Variants in CRPPA observed in about 807,000 individuals in gnomAD.
CRPPA encodes the protein D-ribitol-5-phosphate cytidylyltransferase.
A neutral mutation model predicts 52.0 loss-of-function variants in CRPPA; 43 were observed. The observed-to-expected ratio is 0.83, with a 90% CI of 0.65 to 1.07. The LOEUF is 1.07. Among genes scored for constraint, CRPPA ranks in the 50% least tolerant of loss-of-function variants. CRPPA has a pLI of 0.00. For missense variants in CRPPA, 629 were observed against 551.7 expected, an observed-to-expected ratio of 1.14 and a Z score of -1.40; for synonymous variants, 250 against 203.5, an observed-to-expected ratio of 1.23 and a Z score of -1.94.
intron 8 of CRPPA, among the ~76,000 whole-genome samples, chr7:16,224,575 G>T (rs1782601075): frequency 6.6e-6 from 1 of 152,106 alleles, no homozygotes; most frequent in African/African-American, 2.4e-5. Flanking sequence ...GAGTTAGAAA[G>T]AATTGGTAGA....
intron 3 of CRPPA, among the ~76,000 whole-genome samples, chr7:16,341,440 T>A (rs186746412): frequency 1.2e-3 from 190 of 152,270 alleles, no homozygotes; most frequent in African/African-American, 4.4e-3. Context: ...ATAAACAATG[T>A]TGACTTTTAA....
intron 9 of CRPPA, among the ~76,000 whole-genome samples, chr7:16,123,081 G>A (rs961747137): frequency 2.0e-5 from 3 of 151,982 alleles, no homozygotes; most frequent in Admixed American, 6.6e-5. Context: ...CACAAAAGCC[G>A]ATGCAAAGAA....
At chr7:16,268,606 T>G (rs1015197458) in intron 6 of CRPPA, among the ~76,000 whole-genome samples, 1 of 152,192 alleles carries the variant, frequency 6.6e-6, no homozygotes, top group African/African-American at 2.4e-5. Context: ...ATACTAAGGA[T>G]AAATTACATT....
intron 6 of CRPPA, among the ~76,000 whole-genome samples, chr7:16,274,174 C>G (rs1172735909): frequency 6.6e-6 from 1 of 152,152 alleles, no homozygotes; most frequent in African/African-American, 2.4e-5. Flanking sequence ...CTCAGCCTCC[C>G]GAGTAGCTGG....
At chr7:16,329,763 T>C (rs192934301) in intron 3 of CRPPA, among the ~76,000 whole-genome samples, 84 of 152,310 alleles carry the variant, frequency 5.5e-4, no homozygotes, top group African/African-American at 1.9e-3. Context: ...TAAGTAATCT[T>C]TGATTAATTA....
At chr7:16,139,203 AAACAGT>A (rs1782819070) in intron 9 of CRPPA, among the ~76,000 whole-genome samples, 1 of 152,200 alleles carries the variant, frequency 6.6e-6, no homozygotes, top group Non-Finnish European at 1.5e-5. Flanking sequence ...AACGAGGTGG[AAACAGT>A]AGTCTAGTCA....
At chr7:16,420,662 T>C (rs1310688293) in intron 1 of CRPPA, among the ~76,000 whole-genome samples, 1 of 152,112 alleles carries the variant, frequency 6.6e-6, no homozygotes, top group African/African-American at 2.4e-5. Flanking sequence ...CCCTGGAAAC[T>C]TCAGTGTGCA....
At chr7:16,353,910 G>T (rs1786226119) in intron 3 of CRPPA, among the ~76,000 whole-genome samples, 2 of 151,946 alleles carry the variant, frequency 1.3e-5, no homozygotes, top group South Asian at 4.1e-4. Context: ...CAGGTGATGG[G>T]TATAGTAATT....
intron 8 of CRPPA, among the ~76,000 whole-genome samples, chr7:16,243,671 A>C (rs1783188001): frequency 6.6e-6 from 1 of 152,210 alleles, no homozygotes; most frequent in Admixed American, 6.5e-5. Flanking sequence ...TTTTAGAAAA[A>C]ATAACCACCT....
intron 3 of CRPPA, among the ~76,000 whole-genome samples, chr7:16,328,056 G>A (rs1233617590): frequency 1.6e-4 from 25 of 152,082 alleles, no homozygotes; most frequent in Non-Finnish European, 4.4e-5. Flanking sequence ...CATATCTAAT[G>A]CTTTTAAAAT....
At position 16,390,382 on chromosome 7, in the gene CRPPA, A is replaced by G. The variant is rs940662741; in HGVS notation, c.535-14141T>C. 5.3e-5 allele frequency among the ~76,000 whole-genome samples: 8 copies of G among 152,196 alleles called. No individual in the cohort carries two copies. In the East Asian group the frequency reaches 7.7e-4, roughly 15 times the overall value. ...GCACATCTCCAATTTCTGTCTTCCT[A>G]TGCTTTCTGGAATCTATTTCAATCA... On this transcript the variant is annotated intron_variant, in intron 2 of 9. Coordinates refer to ENST00000407010, the MANE Select transcript of CRPPA (RefSeq NM_001101426.4).
intron 3 of CRPPA, among the ~76,000 whole-genome samples, chr7:16,340,925 A>C (rs761680042): frequency 6.6e-6 from 1 of 152,146 alleles, no homozygotes; most frequent in African/African-American, 2.4e-5. Context: ...TTTACTTCTA[A>C]AAAGAAACTA....
intron 8 of CRPPA, among the ~76,000 whole-genome samples, chr7:16,231,548 C>T (rs986951428): frequency 6.6e-6 from 1 of 152,214 alleles, no homozygotes. Context: ...AATTTTTATT[C>T]CTACCTAACG....
At chr7:16,286,775 A>C (rs918366806) in intron 5 of CRPPA, among the ~76,000 whole-genome samples, 1 of 152,206 alleles carries the variant, frequency 6.6e-6, no homozygotes, top group Non-Finnish European at 1.5e-5. Context: ...TCTCTCAAAT[A>C]TATATCAACA....
chr7:16,168,534 AACACACACACACACACACAC>A (rs61189058), intron 9 of CRPPA, among the ~76,000 whole-genome samples: 5 of 143,248 alleles, frequency 3.5e-5, no homozygotes, highest in South Asian at 2.3e-4. Context: ...AGTGAAGTAA[AACACACACACACACACACAC>A]ACACACACAC....
In CRPPA at chr7:16,088,369, A is replaced by T. The variant is rs1781739115; in HGVS notation, c.*3326T>A. On this transcript the variant is annotated 3_prime_UTR_variant, in exon 10 of 10. Coordinates refer to ENST00000407010, the MANE Select transcript of CRPPA (RefSeq NM_001101426.4). ...GCTTTTACTAAAGTAAATTTACAGA[A>T]GCAGTGATGAAAATGTAACTGTAAA... is the stretch of plus-strand genomic sequence containing the variant. The T allele has an allele frequency of 6.6e-6, 1 of 151,526 alleles. No individual in the cohort carries two copies. Among genetic ancestry groups the T allele is most frequent in the Non-Finnish European group, 1.5e-5 (1 of 67,918 alleles). 9.4% of individuals were successfully genotyped at this position (151,526 alleles called of 1,614,324 possible).
At chr7:16,261,960 G>A (rs920269118) in intron 6 of CRPPA, 6 of 151,998 alleles carry the variant, frequency 3.9e-5, no homozygotes, top group Admixed American at 1.3e-4. Context: ...GATGTTTGTA[G>A]ATAATCCTCC....
chr7:16,286,468 T>C (rs1196121161), intron 5 of CRPPA, among the ~76,000 whole-genome samples: 1 of 152,116 alleles, frequency 6.6e-6, no homozygotes, highest in African/African-American at 2.4e-5. Flanking sequence ...CTAAGCATTC[T>C]TCACCAGATA....
chr7:16,175,457 T>A (rs1297643968), intron 9 of CRPPA, among the ~76,000 whole-genome samples: 1 of 152,132 alleles, frequency 6.6e-6, no homozygotes, highest in Non-Finnish European at 1.5e-5. Context: ...CATGCATTAT[T>A]CCAGCTCACT....
Sources: gnomAD v4.1 joint callset for allele counts (sites outside exome capture counted in the v4.1 genomes callset) on GRCh38, gnomAD v4.1.1 for gene constraint, MANE v1.5 for transcripts, NCBI Gene and HGNC (gene_info 2026-07-23, HGNC 2026-07-21) for gene names.